Variants in SLC22A5 observed in about 807,000 individuals in gnomAD.
SLC22A5 encodes the protein solute carrier family 22 member 5.
SLC22A5 carries 44 observed loss-of-function variants against 56.7 expected under a neutral mutation model. That is an observed-to-expected ratio of 0.78 (90% confidence interval 0.61 to 1.00). The LOEUF is 1.00. Among genes scored for constraint, SLC22A5 ranks in the 50% least tolerant of loss-of-function variants. The pLI is 0.00. For synonymous variants in SLC22A5, 278 were observed against 292.1 expected (o/e 0.95, Z 0.49); for missense variants, 675 against 723.0 (o/e 0.93, Z 0.76).
chr5:132,387,875 C>A (rs1752586800), intron 5 of SLC22A5: 1 of 155,938 alleles, frequency 6.4e-6, no homozygotes, highest in African/African-American at 2.4e-5. Flanking sequence ...AGGTTAGAAG[C>A]TGTAAATGCT....
chr5:132,389,116 A>G (rs1386182551), intron 6 of SLC22A5, 95 bp downstream of exon 6: 2 of 788,736 alleles, frequency 2.5e-6, no homozygotes, highest in Admixed American at 3.8e-5. Context: ...ACAAAATTCA[A>G]AGCCTATGTC....
rs1306868303 is a variant in SLC22A5, at chr5:132,393,759, A to G, written c.1534A>G (p.Ser512Gly). 1.2e-6 allele frequency: 2 copies of G among 1,614,080 alleles called. No individual in the cohort carries two copies. Among genetic ancestry groups the G allele is most frequent in the Admixed American group, 3.3e-5 (2 of 60,024 alleles). ...TAILTLFLPE[S>G]FGTPLPDTID... ...CATCCTCACCTTGTTTCTCCCAGAGAGCTTCGGTACCCCACTCCCAGACAC... is the reference window on the plus strand; with the variant it reads ...CATCCTCACCTTGTTTCTCCCAGAGGGCTTCGGTACCCCACTCCCAGACAC... The change falls in exon 9 of 10, where the codon AGC becomes GGC. Residue 512 changes from serine to glycine, a missense_variant. Transcript: ENST00000245407.
At chr5:132,383,803 C>T in intron 2 of SLC22A5, 1 of 300,074 alleles carries the variant, frequency 3.3e-6, no homozygotes. Context: ...TGAATTGTTT[C>T]TCTGTTATTC....
rs1442302498 is a variant in SLC22A5, at chr5:132,384,176, C to G, written c.527C>G (p.Thr176Ser). 1 of 1,614,106 alleles carries G rather than the reference C, an allele frequency of 6.2e-7. No homozygotes were observed. The highest frequency in any genetic ancestry group is 1.3e-5 in the African/African-American group (1 of 74,932). The change falls in exon 3 of 10, where the codon ACC (threonine) becomes AGC (serine). Residue 176 changes from threonine (T) to serine (S), a missense_variant. Physicochemically the swap from Thr to Ser is moderately conservative, Grantham distance 58. Coordinates refer to ENST00000245407, the MANE Select transcript of SLC22A5 (RefSeq NM_003060.4). Reference protein sequence around the residue: ...RFGRKNVLFVTMGMQTGFSFL... With the variant: ...RFGRKNVLFVSMGMQTGFSFL... ...GGCCGGAAGAATGTGCTGTTCGTGACCATGGGCATGCAGACAGGCTTCAGC... is the reference window on the plus strand; with the variant it reads ...GGCCGGAAGAATGTGCTGTTCGTGAGCATGGGCATGCAGACAGGCTTCAGC...
chr5:132,384,713 A>G (rs1331572949), intron 3 of SLC22A5, among the ~76,000 whole-genome samples: 1 of 152,158 alleles, frequency 6.6e-6, no homozygotes, highest in Middle Eastern at 3.2e-3. Context: ...AAGGTAGAGA[A>G]CCCCTTGTCT....
At chr5:132,376,755 C>T (rs1420865267) in intron 1 of SLC22A5, 1 of 152,210 alleles carries the variant, frequency 6.6e-6, no homozygotes, top group Admixed American at 6.5e-5. Flanking sequence ...TGGCAGGAGC[C>T]AGGTCCTGGC....
Position 132,393,583 on chromosome 5 carries a change from T to C in SLC22A5, c.1451-93T>C, listed in dbSNP as rs1297553097. 8 of 1,413,012 alleles carry C rather than the reference T, an allele frequency of 5.7e-6. No individual in the cohort carries two copies. The Admixed American group carries it at 6.7e-5, about 12-fold the overall frequency. 87.5% of individuals were successfully genotyped at this position (1,413,012 alleles called of 1,614,324 possible). On this transcript the variant is annotated intron_variant, in intron 8 of 9. Transcript: ENST00000245407. ...GATGTGAGACCAAGAAGGAAAGTGATCCCCTTCCAGAGTCCTGGGAGCATA... is the reference window on the plus strand; with the variant it reads ...GATGTGAGACCAAGAAGGAAAGTGACCCCCTTCCAGAGTCCTGGGAGCATA...
chr5:132,377,936 TG>T, intron 1 of SLC22A5: 1 of 626,494 alleles, frequency 1.6e-6, no homozygotes, highest in South Asian at 2.0e-5. Flanking sequence ...CTTAGTTTCT[TG>T]CTGGATGCTT....
At chr5:132,381,594 G>C (rs1752349998) in intron 2 of SLC22A5, 1 of 152,210 alleles carries the variant, frequency 6.6e-6, no homozygotes, top group African/African-American at 2.4e-5. Flanking sequence ...ATAGTATAAA[G>C]GTTTCACCTT....
intron 1 of SLC22A5, among the ~76,000 whole-genome samples, chr5:132,371,861 T>C (rs542181373): frequency 1.3e-5 from 2 of 152,106 alleles, no homozygotes; most frequent in South Asian, 4.2e-4. Flanking sequence ...GTGCTGAGCC[T>C]CCCCTCCTGG....
chr5:132,369,809 A>T lies in SLC22A5; in HGVS notation c.-164A>T. 1 of 863,684 alleles carries T rather than the reference A, an allele frequency of 1.2e-6. No homozygotes were observed. Among genetic ancestry groups the T allele is most frequent in the Non-Finnish European group, 1.7e-6 (1 of 590,612 alleles). The allele number at this position is 863,684 out of a possible 1,614,324, so 53.5% of individuals were successfully genotyped here. A position where few individuals can be genotyped will look rare whatever the true frequency, so the allele number is the denominator to read the frequency against. On this transcript the variant is annotated 5_prime_UTR_variant, in exon 1 of 10. Coordinates refer to ENST00000245407, the MANE Select transcript of SLC22A5 (RefSeq NM_003060.4). Reference sequence around the variant, plus strand: ...CGCCCTATGTAAGGCCAGCCGCGGCAGGACCAAGGCGGCGGTGTCAGCTCG... The same window carrying T: ...CGCCCTATGTAAGGCCAGCCGCGGCTGGACCAAGGCGGCGGTGTCAGCTCG...
intron 1 of SLC22A5, chr5:132,377,843 G>T: frequency 3.0e-6 from 1 of 337,600 alleles, no homozygotes. Context: ...AGCTCTAAAG[G>T]TCACAAAAAG....
chr5:132,370,474 C>A, intron 1 of SLC22A5, 109 bp downstream of exon 1: 1 of 1,268,250 alleles, frequency 7.9e-7, no homozygotes, highest in African/African-American at 1.5e-5. Context: ...GTCACTCCCC[C>A]TCCCCCAACG....
intron 2 of SLC22A5, chr5:132,379,873 G>T (rs2516788): frequency 6.6e-6 from 1 of 152,102 alleles, no homozygotes; most frequent in Non-Finnish European, 1.5e-5. Flanking sequence ...TAAATAACTT[G>T]CCCAGGGTTT....
chr5:132,377,070 G>A (rs1752168067), intron 1 of SLC22A5: 2 of 152,442 alleles, frequency 1.3e-5, no homozygotes, highest in African/African-American at 4.8e-5. Flanking sequence ...GTTGGGGATT[G>A]CCACCCTACT....
chr5:132,371,227 G>A (rs1751916625), intron 1 of SLC22A5, among the ~76,000 whole-genome samples: 1 of 152,124 alleles, frequency 6.6e-6, no homozygotes, highest in Non-Finnish European at 1.5e-5. Context: ...TGCCTCCAAA[G>A]CTGGGATTAC....
At chr5:132,378,705 A>C (rs1440527205) in intron 2 of SLC22A5, 18 of 568,662 alleles carry the variant, frequency 3.2e-5, no homozygotes, top group Non-Finnish European at 5.7e-5. Context: ...TCTAAGCTGA[A>C]TGTATCTGTG....
chr5:132,389,997 AAC>A (rs1323931695), intron 6 of SLC22A5: 3 of 158,126 alleles, frequency 1.9e-5, no homozygotes, highest in Non-Finnish European at 4.2e-5. Context: ...GATGAGTCAA[AAC>A]AGTCTAATCC....
Position 132,371,206 on chromosome 5 carries a change from C to T in SLC22A5, c.393+841C>T, listed in dbSNP as rs181796086. Among the ~76,000 whole-genome samples the T allele has an allele frequency of 3.6e-3, 547 of 152,200 alleles. 2 individuals are homozygous for T. Among genetic ancestry groups the T allele is most frequent in the African/African-American group, 0.012 (512 of 41,540 alleles). ...GGTCTCGATCTCTTGACCTCGTGAT[C>T]TGCCTGCTTCTGCCTCCAAAGCTGG... On this transcript the variant is annotated intron_variant, in intron 1 of 9. Coordinates refer to ENST00000245407, the MANE Select transcript of SLC22A5 (RefSeq NM_003060.4).
Sources: allele counts gnomAD v4.1 joint callset (sites outside exome capture counted in the v4.1 genomes callset), GRCh38; gene constraint gnomAD v4.1.1; transcripts MANE v1.5; gene names NCBI Gene and HGNC (gene_info 2026-07-23, HGNC 2026-07-21).